Variants in AGXT2 observed in about 807,000 individuals in gnomAD.
The protein encoded by AGXT2 is alanine--glyoxylate aminotransferase 2, mitochondrial.
In AGXT2, 61 loss-of-function variants were observed where a neutral mutation model predicts 62.5. That is an observed-to-expected ratio of 0.98 (90% confidence interval 0.79 to 1.21). The LOEUF is 1.21. Among genes scored for constraint, AGXT2 ranks in the 50% most tolerant of loss-of-function variants. AGXT2 has a pLI of 0.00. For synonymous variants in AGXT2, 243 were observed against 218.7 expected (o/e 1.11, Z -0.98); for missense variants, 666 against 641.5 (o/e 1.04, Z -0.41).
chr5:35,030,706 C>T (rs1767532816), intron 7 of AGXT2, among the ~76,000 whole-genome samples: 1 of 152,096 alleles, frequency 6.6e-6, no homozygotes, highest in Non-Finnish European at 1.5e-5. Context: ...TGTGTCTCTT[C>T]TATGTGGAAA....
chr5:35,001,470 C>T lies in AGXT2; in HGVS notation c.1437+2293G>A, dbSNP rs1766222908. The stretch of plus-strand genomic sequence containing the variant: ...TTCCTCAGAGGACAGATTCTGAAAT[C>T]AGACTACCTGAGTTTGGATCCTGGT... On this transcript the variant is annotated intron_variant, in intron 13 of 13. Transcript: ENST00000231420. Among the ~76,000 whole-genome samples the T allele has an allele frequency of 2.0e-5, 3 of 152,246 alleles. No individual in the cohort carries two copies. In the South Asian group the frequency reaches 6.2e-4, roughly 31 times the overall value.
intron 2 of AGXT2, among the ~76,000 whole-genome samples, chr5:35,039,717 C>A (rs935023133): frequency 1.3e-5 from 2 of 152,124 alleles, no homozygotes; most frequent in African/African-American, 4.8e-5. Context: ...TGTAGCCTTT[C>A]GATCTCTTTT....
chr5:35,041,135 G>T (rs183220241), intron 1 of AGXT2, among the ~76,000 whole-genome samples: 2 of 144,800 alleles, frequency 1.4e-5, no homozygotes, highest in African/African-American at 2.5e-5. Context: ...GACTATTCTT[G>T]TAGGGAATGA....
chr5:35,036,318 A>G (rs945486379), intron 4 of AGXT2, among the ~76,000 whole-genome samples: 5 of 152,190 alleles, frequency 3.3e-5, no homozygotes, highest in Admixed American at 6.5e-5. Context: ...ATAATAGATA[A>G]CACTCGGGAC....
chr5:35,034,560 A>C (rs766912579), intron 5 of AGXT2, among the ~76,000 whole-genome samples: 4 of 152,198 alleles, frequency 2.6e-5, no homozygotes, highest in Non-Finnish European at 5.9e-5. Flanking sequence ...TTTTACATTA[A>C]CTTTACAGGA....
At position 35,039,347 on chromosome 5, in the gene AGXT2, A is replaced by C; in HGVS notation, c.339T>G (p.Thr113=). 5 of 1,614,150 alleles carry C rather than the reference A, an allele frequency of 3.1e-6. No homozygotes were observed. Among genetic ancestry groups the C allele is most frequent in the Non-Finnish European group, 4.2e-6 (5 of 1,179,960 alleles). The change falls in exon 3 of 14, where the codon ACT becomes ACG. Residue 113 remains threonine (T), a synonymous_variant. Coordinates refer to ENST00000231420, the MANE Select transcript of AGXT2 (RefSeq NM_031900.4). ...ACGGGTGGCAATGGCCAACACTGACAGTAACAATCCCGGAAAAGAAATCCA... is the reference window on the plus strand; with the variant it reads ...ACGGGTGGCAATGGCCAACACTGACCGTAACAATCCCGGAAAAGAAATCCA... ...RYLDFFSGIV[T]VSVGHCHPKV... is the part of the protein sequence containing the mutation.
At chr5:35,032,399 T>G (rs1042499771) in intron 7 of AGXT2, among the ~76,000 whole-genome samples, 9 of 152,164 alleles carry the variant, frequency 5.9e-5, no homozygotes, top group African/African-American at 2.2e-4. Flanking sequence ...CTTGTTGTCT[T>G]TTAAAATTGA....
intron 7 of AGXT2, among the ~76,000 whole-genome samples, chr5:35,029,471 T>C (rs142412361): frequency 9.5e-4 from 144 of 152,340 alleles, no homozygotes; most frequent in African/African-American, 3.4e-3. Context: ...ATGAGCTTTT[T>C]ACTTTATTTC....
Position 35,005,570 on chromosome 5 carries a change from G to A in AGXT2, c.1339-1709C>T, listed in dbSNP as rs771116886. Among the ~76,000 whole-genome samples, 184 of 151,922 alleles carry A rather than the reference G, an allele frequency of 1.2e-3. 3 individuals carry two copies. Among genetic ancestry groups the A allele is most frequent in the Non-Finnish European group, 2.4e-4 (16 of 67,982 alleles). On this transcript the variant is annotated intron_variant, in intron 12 of 13. Transcript: ENST00000231420. ...GGTGGAGTCTGTGTGGCTTCACCCC[G>A]ACCTTGCTCTGGGCCAGCACCCTCT...
chr5:35,019,297 A>C (rs1465191544), intron 9 of AGXT2, among the ~76,000 whole-genome samples: 2 of 149,528 alleles, frequency 1.3e-5, no homozygotes, highest in South Asian at 4.3e-4. Flanking sequence ...CACCACACCT[A>C]TTCAAAAATT....
rs879548371 is a variant in AGXT2 at position 35,027,780 on chromosome 5, G to T, written c.770-1270C>A. Among the ~76,000 whole-genome samples, 12 of 150,718 alleles carry T rather than the reference G, an allele frequency of 8.0e-5. No individual in the cohort carries two copies. The South Asian group carries it at 1.6e-3, about 19-fold the overall frequency. The stretch of plus-strand genomic sequence containing the variant: ...GCTTCCAAGTGCGTAGGGCATTAGA[G>T]TCTAAGAGTCCTTTAAATTATGAGC... On this transcript the variant is annotated intron_variant, in intron 7 of 13. Coordinates refer to ENST00000231420, the MANE Select transcript of AGXT2 (RefSeq NM_031900.4).
At chr5:35,022,647 G>A (rs577568489) in intron 9 of AGXT2, among the ~76,000 whole-genome samples, 93 of 150,532 alleles carry the variant, frequency 6.2e-4, no homozygotes, top group Non-Finnish European at 1.1e-3. Flanking sequence ...TGGGTGCAGC[G>A]CACCAGCATG....
intron 9 of AGXT2, among the ~76,000 whole-genome samples, chr5:35,022,328 G>A (rs1373022950): frequency 6.6e-6 from 1 of 151,660 alleles, no homozygotes; most frequent in Admixed American, 6.6e-5. Flanking sequence ...CAACCCAAAT[G>A]TCCAACAATG....
intron 9 of AGXT2, among the ~76,000 whole-genome samples, chr5:35,014,629 T>C (rs928708420): frequency 2.0e-5 from 3 of 152,116 alleles, no homozygotes; most frequent in Admixed American, 2.0e-4. Context: ...TTTCCTAGCT[T>C]TGTGCAATTC....
At chr5:35,005,175 A>G (rs1401442711) in intron 12 of AGXT2, among the ~76,000 whole-genome samples, 2 of 152,142 alleles carry the variant, frequency 1.3e-5, no homozygotes, top group Non-Finnish European at 2.9e-5. Flanking sequence ...GAGGGATTGG[A>G]GAGTAATCCG....
chr5:35,025,162 G>A (rs1172946253), intron 9 of AGXT2, among the ~76,000 whole-genome samples: 1 of 152,156 alleles, frequency 6.6e-6, no homozygotes, highest in Non-Finnish European at 1.5e-5. Context: ...GATCACTTGA[G>A]GTCAGGAATT....
intron 13 of AGXT2, 143 bp from the exon 14 acceptor site, chr5:34,998,969 A>G: frequency 1.4e-6 from 1 of 709,940 alleles, no homozygotes; most frequent in South Asian, 1.5e-5. Context: ...CTCCATCCCC[A>G]ATGCTGAATC....
chr5:35,032,684 C>T (rs867483075), intron 7 of AGXT2, 48 bp downstream of exon 7: 4 of 1,476,752 alleles, frequency 2.7e-6, no homozygotes, highest in Middle Eastern at 3.8e-4. Flanking sequence ...TATTCGTGTC[C>T]CTTCCAACTT....
intron 1 of AGXT2, among the ~76,000 whole-genome samples, chr5:35,043,014 C>T (rs1434226022): frequency 6.6e-6 from 1 of 152,162 alleles, no homozygotes; most frequent in Non-Finnish European, 1.5e-5. Context: ...AGAACAGCAT[C>T]GCTTTTGCAT....
Sources: gnomAD v4.1 joint callset for allele counts (sites outside exome capture counted in the v4.1 genomes callset) on GRCh38, gnomAD v4.1.1 for gene constraint, MANE v1.5 for transcripts, NCBI Gene and HGNC (gene_info 2026-07-23, HGNC 2026-07-21) for gene names.